The following RIPOR2 variants were observed in gnomAD, a reference collection of about 807,000 sequenced individuals.
RIPOR2 encodes the protein RHO family interacting cell polarization regulator 2.
RIPOR2 carries 39 observed loss-of-function variants against 114.5 expected under a neutral mutation model. The observed-to-expected ratio is 0.34, with a 90% CI of 0.26 to 0.44. The LOEUF (loss-of-function observed/expected upper bound fraction) is 0.44, where lower values mean the gene tolerates loss of function less well. Among genes scored for constraint, RIPOR2 ranks in the 20% least tolerant of loss-of-function variants. RIPOR2 has a pLI of 1.00. For synonymous variants in RIPOR2, 445 were observed against 484.4 expected (o/e 0.92, Z 1.07); for missense variants, 1,007 against 1,255.1 (o/e 0.80, Z 2.99).
At chr6:25,026,290 A>T (rs1389117703) in intron 1 of RIPOR2, among the ~76,000 whole-genome samples, 1 of 152,204 alleles carries the variant, frequency 6.6e-6, no homozygotes, top group Admixed American at 6.5e-5. Flanking sequence ...TTAGATATTT[A>T]TATAGGTATA....
intron 1 of RIPOR2, among the ~76,000 whole-genome samples, chr6:24,992,107 CTG>C (rs1248900837): frequency 6.6e-6 from 1 of 152,226 alleles, no homozygotes; most frequent in African/African-American, 2.4e-5. Context: ...TGCTAAGAAT[CTG>C]TGCACTGAGT....
intron 1 of RIPOR2, among the ~76,000 whole-genome samples, chr6:24,974,375 C>A (rs60679537): frequency 0.12 from 17,537 of 151,442 alleles, 2,288 homozygotes; most frequent in African/African-American, 0.32. Context: ...TGTCTCAAAA[C>A]CAAAAAACAA....
intron 15 of RIPOR2, 51 bp from the exon 16 acceptor site, chr6:24,832,442 C>T: frequency 6.7e-7 from 1 of 1,498,916 alleles, no homozygotes; most frequent in Non-Finnish European, 9.1e-7. Flanking sequence ...TTCAGTAGAG[C>T]TTTCTCTACC....
At chr6:25,005,738 T>TAC (rs1554130559) in intron 1 of RIPOR2, among the ~76,000 whole-genome samples, 1,565 of 70,638 alleles carry the variant, frequency 0.022, 193 homozygotes, top group Non-Finnish European at 0.034. Context: ...TATATATATA[T>TAC]ATACATTTAC....
chr6:24,956,004 T>A (rs429230), intron 1 of RIPOR2, among the ~76,000 whole-genome samples: 40,916 of 141,414 alleles, frequency 0.29, 6,215 homozygotes, highest in South Asian at 0.37. Context: ...AGTGAGACTC[T>A]GTCTCAAAAA....
chr6:24,832,033 TG>T (rs1449835248), intron 16 of RIPOR2, among the ~76,000 whole-genome samples: 1 of 152,180 alleles, frequency 6.6e-6, no homozygotes, highest in Non-Finnish European at 1.5e-5. Context: ...GTCTGACTTC[TG>T]GGGGTGGAGG....
chr6:24,966,310 A>G (rs1360823014), intron 1 of RIPOR2, among the ~76,000 whole-genome samples: 1 of 152,214 alleles, frequency 6.6e-6, no homozygotes. Context: ...AGCTTCTTAG[A>G]TAACTATGGC....
intron 1 of RIPOR2, among the ~76,000 whole-genome samples, chr6:24,982,546 T>C (rs1456562654): frequency 6.6e-6 from 1 of 152,252 alleles, no homozygotes; most frequent in African/African-American, 2.4e-5. Flanking sequence ...ACCAAATATT[T>C]ATTAAGCCAA....
intron 1 of RIPOR2, among the ~76,000 whole-genome samples, chr6:25,017,928 T>C (rs1341955986): frequency 6.6e-6 from 1 of 152,262 alleles, no homozygotes; most frequent in Non-Finnish European, 1.5e-5. Context: ...ATTGATATTT[T>C]GGTTCTTAGT....
intron 15 of RIPOR2, 79 bp downstream of exon 15, chr6:24,835,624 C>T: frequency 7.1e-7 from 1 of 1,401,954 alleles, no homozygotes; most frequent in Non-Finnish European, 9.9e-7. Context: ...ATTTCCCTGG[C>T]AACACTAAAA....
At chr6:24,986,544 A>C (rs1774536002) in intron 1 of RIPOR2, among the ~76,000 whole-genome samples, 1 of 152,220 alleles carries the variant, frequency 6.6e-6, no homozygotes, top group Non-Finnish European at 1.5e-5. Flanking sequence ...GCCAGAAAAA[A>C]AAAAGAAACT....
chr6:24,954,504 G>A (rs1163346534), intron 1 of RIPOR2, among the ~76,000 whole-genome samples: 2 of 134,758 alleles, frequency 1.5e-5, no homozygotes, highest in Admixed American at 1.7e-4. Context: ...TGCCCAGCTT[G>A]GAATGCAGTG....
At chr6:24,972,098 T>A (rs113265646) in intron 1 of RIPOR2, among the ~76,000 whole-genome samples, 16 of 152,308 alleles carry the variant, frequency 1.1e-4, no homozygotes, top group African/African-American at 3.6e-4. Flanking sequence ...ACCAAAACGT[T>A]TCTATCCTTT....
intron 1 of RIPOR2, among the ~76,000 whole-genome samples, chr6:24,935,521 T>C (rs997694633): frequency 6.6e-6 from 1 of 152,028 alleles, no homozygotes; most frequent in African/African-American, 2.4e-5. Flanking sequence ...TTCCTTAAGG[T>C]GTTAGACAAG....
At chr6:24,849,374 A>AAGTTATGCG in intron 11 of RIPOR2, among the ~76,000 whole-genome samples, 1 of 152,232 alleles carries the variant, frequency 6.6e-6, no homozygotes, top group East Asian at 1.9e-4. Flanking sequence ...GAGCAGTGTG[A>AAGTTATGCG]AGTTATGCGA....
At chr6:24,854,145 G>C (rs1464171787) in intron 8 of RIPOR2, among the ~76,000 whole-genome samples, 2 of 148,800 alleles carry the variant, frequency 1.3e-5, no homozygotes, top group Admixed American at 1.3e-4. Context: ...AAAAAAGAAA[G>C]AAAACACACA....
At chr6:24,986,705 A>C (rs1774543918) in intron 1 of RIPOR2, among the ~76,000 whole-genome samples, 1 of 152,154 alleles carries the variant, frequency 6.6e-6, no homozygotes, top group Non-Finnish European at 1.5e-5. Context: ...AAATCTAAAC[A>C]CAACTACCAT....
chr6:25,033,172 G>A lies in RIPOR2; in HGVS notation c.76+8679C>T, dbSNP rs1014159991. ...TGAGGCTCCAGTGAGCCGCGACGGCGCCACACGCCTGGGTGACACAATGAG... is the reference window on the plus strand; with the variant it reads ...TGAGGCTCCAGTGAGCCGCGACGGCACCACACGCCTGGGTGACACAATGAG... On this transcript the variant is annotated intron_variant, in intron 1 of 13. Coordinates refer to the RIPOR2 transcript ENST00000510784. Among the ~76,000 whole-genome samples the A allele has an allele frequency of 4.0e-5, 6 of 151,506 alleles. 1 individual carries two copies. Among genetic ancestry groups the A allele is most frequent in the East Asian group, 3.9e-4 (2 of 5,146 alleles).
At chr6:24,821,833 G>A (rs576182824) in intron 19 of RIPOR2, among the ~76,000 whole-genome samples, 94 of 152,318 alleles carry the variant, frequency 6.2e-4, no homozygotes, top group African/African-American at 1.7e-3. Context: ...ATACACCAAG[G>A]TCATCTTTAG....
Sources: gnomAD v4.1 joint callset for allele counts (sites outside exome capture counted in the v4.1 genomes callset) on GRCh38, gnomAD v4.1.1 for gene constraint, MANE v1.5 for transcripts, NCBI Gene and HGNC (gene_info 2026-07-23, HGNC 2026-07-21) for gene names.